Variants in DPF3 observed in about 807,000 individuals in gnomAD.
DPF3 encodes the protein zinc finger protein DPF3.
In DPF3, 18 loss-of-function variants were observed where a neutral mutation model predicts 56.8. The ratio of observed to expected loss-of-function variants is 0.32; its 90% CI spans 0.22 to 0.47. The LOEUF (loss-of-function observed/expected upper bound fraction) is 0.47. DPF3 is among the 20% of genes least tolerant of loss of function. The pLI is 1.00. For synonymous variants in DPF3, 188 were observed against 180.2 expected, an observed-to-expected ratio of 1.04 and a Z score of -0.35; for missense variants, 403 against 488.8, an observed-to-expected ratio of 0.82 and a Z score of 1.65.
intron 1 of DPF3, among the ~76,000 whole-genome samples, chr14:72,872,156 C>T (rs1248598480): frequency 6.6e-6 from 1 of 152,150 alleles, no homozygotes; most frequent in Non-Finnish European, 1.5e-5. Context: ...ACAGATGGCC[C>T]CTGGAGCATC....
intron 2 of DPF3, among the ~76,000 whole-genome samples, chr14:72,771,111 G>A (rs1891509611): frequency 6.6e-6 from 1 of 151,538 alleles, no homozygotes. Flanking sequence ...GGGAGGCGGT[G>A]AGTCGAGATC....
chr14:72,865,691 G>A (rs1003956730), intron 1 of DPF3, among the ~76,000 whole-genome samples: 4 of 152,216 alleles, frequency 2.6e-5, no homozygotes, highest in Non-Finnish European at 5.9e-5. Flanking sequence ...TCAATGCAGG[G>A]CGTGTGCAAG....
At chr14:72,721,664 C>T (rs983449585) in intron 5 of DPF3, among the ~76,000 whole-genome samples, 1 of 151,974 alleles carries the variant, frequency 6.6e-6, no homozygotes, top group Admixed American at 6.6e-5. Flanking sequence ...AGGGTATGCC[C>T]CTGATGTGAT....
chr14:72,742,589 C>G (rs1385942619), intron 3 of DPF3: 1 of 152,526 alleles, frequency 6.6e-6, no homozygotes, highest in Admixed American at 6.5e-5. Context: ...AGGTTACATG[C>G]TTGGCACCTC....
chr14:72,749,833 G>C (rs141651610), intron 3 of DPF3, among the ~76,000 whole-genome samples: 99 of 149,720 alleles, frequency 6.6e-4, no homozygotes, highest in African/African-American at 2.4e-3. Context: ...GGGTGACAGA[G>C]TGAGACCCTG....
chr14:72,850,000 T>C (rs1051881675), intron 1 of DPF3, among the ~76,000 whole-genome samples: 2 of 151,970 alleles, frequency 1.3e-5, no homozygotes, highest in Non-Finnish European at 2.9e-5. Context: ...ATGCCTGTAA[T>C]CCCAGCTCCT....
intron 2 of DPF3, among the ~76,000 whole-genome samples, chr14:72,757,828 T>G (rs920270893): frequency 5.9e-5 from 9 of 152,106 alleles, no homozygotes; most frequent in African/African-American, 1.9e-4. Context: ...CAATTCCCAG[T>G]GGATACTAAA....
chr14:72,656,285 T>C (rs889299408), intron 8 of DPF3, among the ~76,000 whole-genome samples: 1 of 152,242 alleles, frequency 6.6e-6, no homozygotes, highest in Non-Finnish European at 1.5e-5. Flanking sequence ...GAAGCATTGC[T>C]TCCCAGACCT....
chr14:72,773,387 G>C (rs1452797068), intron 1 of DPF3, among the ~76,000 whole-genome samples: 1 of 152,154 alleles, frequency 6.6e-6, no homozygotes, highest in Non-Finnish European at 1.5e-5. Flanking sequence ...ACCCGCCTCA[G>C]CCTCCCAAAG....
At chr14:72,737,503 T>C (rs1889940852) in intron 3 of DPF3, among the ~76,000 whole-genome samples, 1 of 152,210 alleles carries the variant, frequency 6.6e-6, no homozygotes, top group South Asian at 2.1e-4. Flanking sequence ...ACGAATGTCA[T>C]GAGCTCCCCA....
At chr14:72,864,681 G>GATGT (rs1885592697) in intron 1 of DPF3, among the ~76,000 whole-genome samples, 1 of 150,664 alleles carries the variant, frequency 6.6e-6, no homozygotes, top group South Asian at 2.1e-4. Flanking sequence ...CGGATGGATG[G>GATGT]ATGGATGGAT....
At chr14:72,819,525 T>A (rs1883436828) in intron 1 of DPF3, among the ~76,000 whole-genome samples, 1 of 152,070 alleles carries the variant, frequency 6.6e-6, no homozygotes. Flanking sequence ...AAAAAAGATG[T>A]TACTGCATTG....
chr14:72,699,748 T>C (rs1047664390), intron 6 of DPF3, among the ~76,000 whole-genome samples: 1 of 152,160 alleles, frequency 6.6e-6, no homozygotes, highest in East Asian at 1.9e-4. Context: ...GATGAGGAGA[T>C]TCTGCACCGA....
At chr14:72,620,020 A>G (rs1479347967) in intron 9 of DPF3, 36 bp from the exon 10 acceptor site, 2 of 1,500,368 alleles carry the variant, frequency 1.3e-6, no homozygotes, top group Non-Finnish European at 8.9e-7. Context: ...AGGAGGAGAG[A>G]TTCCATTATT....
chr14:72,771,697 T>C (rs1038703599), intron 2 of DPF3, 36 bp downstream of exon 2: 1 of 1,588,216 alleles, frequency 6.3e-7, no homozygotes, highest in Non-Finnish European at 8.6e-7. Context: ...GCTGGGAGCC[T>C]GCACATGCGC....
chr14:72,879,792 T>A, intron 1 of DPF3: 1 of 1,531,280 alleles, frequency 6.5e-7, no homozygotes, highest in Non-Finnish European at 8.7e-7. Flanking sequence ...TCTCTCACAC[T>A]GAGGTTCTTA....
chr14:72,644,822 T>C (rs1191257980), intron 8 of DPF3, among the ~76,000 whole-genome samples: 1 of 152,202 alleles, frequency 6.6e-6, no homozygotes, highest in African/African-American at 2.4e-5. Context: ...ACCTGAGCAT[T>C]AGGTGTGAGA....
At chr14:72,759,198 T>C (rs566960823) in intron 2 of DPF3, among the ~76,000 whole-genome samples, 263 of 152,252 alleles carry the variant, frequency 1.7e-3, no homozygotes, top group Non-Finnish European at 3.4e-3. Context: ...AGATTAGATA[T>C]TGCAGAAGAA....
At chr14:72,744,359 A>T (rs1236129455) in intron 3 of DPF3, among the ~76,000 whole-genome samples, 1 of 151,712 alleles carries the variant, frequency 6.6e-6, no homozygotes, top group Non-Finnish European at 1.5e-5. Flanking sequence ...TGCAGCCACA[A>T]CCTCGCGGAC....
Sources: gnomAD v4.1 joint callset for allele counts (sites outside exome capture counted in the v4.1 genomes callset) on GRCh38, gnomAD v4.1.1 for gene constraint, MANE v1.5 for transcripts, NCBI Gene and HGNC (gene_info 2026-07-23, HGNC 2026-07-21) for gene names.